Variants in PRKAG2 observed in about 807,000 individuals in gnomAD.
PRKAG2 encodes 5'-AMP-activated protein kinase subunit gamma-2.
In PRKAG2, 26 loss-of-function variants were observed where a neutral mutation model predicts 69.6. The observed-to-expected ratio is 0.37, with a 90% confidence interval of 0.27 to 0.52. The LOEUF (loss-of-function observed/expected upper bound fraction) is 0.52. Ranked by LOEUF, PRKAG2 falls within the 20% of genes least tolerant of loss-of-function variation. PRKAG2 has a pLI of 0.90. For synonymous variants in PRKAG2, 293 were observed against 285.0 expected, an observed-to-expected ratio of 1.03 and a Z score of -0.28; for missense variants, 557 against 740.0, an observed-to-expected ratio of 0.75 and a Z score of 2.87.
Position 151,560,580 on chromosome 7 carries a change from A to G in PRKAG2, c.1622T>C (p.Ile541Thr). Reference protein sequence around the residue: ...RLVVVNEADSIVGIISLSDIL... With the variant: ...RLVVVNEADSTVGIISLSDIL... ...GTCCGACAGGGAAATAATACCCACA[A>G]TACTATCTGCTTCATTTACCACCAC... Residue 541 changes from isoleucine (I) to threonine (T), a missense_variant, in exon 15 of 16, where the codon ATT (isoleucine) becomes ACT (threonine). By Grantham distance (89) the Ile-to-Thr change is moderately conservative. Around this residue, in one of 2 missense-constraint regions of PRKAG2, gnomAD observed 205 missense variants for 383.4 expected, o/e 0.53. Transcript: ENST00000287878. 1 of 1,613,956 alleles carries G rather than the reference A, an allele frequency of 6.2e-7. No individual in the cohort carries two copies. The highest frequency in any genetic ancestry group is 8.5e-7 in the Non-Finnish European group (1 of 1,179,792).
At chr7:151,812,629 G>A (rs2078478363) in intron 1 of PRKAG2, among the ~76,000 whole-genome samples, 1 of 152,152 alleles carries the variant, frequency 6.6e-6, no homozygotes, top group South Asian at 2.1e-4. Context: ...ATTTCACCCT[G>A]GGACAGGACC....
rs34809720 is a variant in PRKAG2 at position 151,597,820 on chromosome 7, GC to G, written c.755-2367del. On this transcript the variant is annotated intron_variant, in intron 5 of 15. Coordinates refer to ENST00000287878, the MANE Select transcript of PRKAG2 (RefSeq NM_016203.4). ...TTGCTGAGGATGTGGACAAAAGGGA[GC>G]CCCCCCCCCCGCTCTTTTATTGAAC... is the stretch of plus-strand genomic sequence containing the variant. Among the ~76,000 whole-genome samples the G allele has an allele frequency of 1.5e-3, 184 of 124,790 alleles. 2 individuals are homozygous for G. The highest frequency in any genetic ancestry group is 1.9e-3 in the African/African-American group (63 of 32,596). The allele number at this position is 124,790 out of a possible 152,430, so 81.9% of individuals were successfully genotyped here. A position where few individuals can be genotyped will look rare whatever the true frequency, so the allele number is the denominator to read the frequency against.
At chr7:151,611,880 A>G (rs1204088867) in intron 5 of PRKAG2, among the ~76,000 whole-genome samples, 1 of 152,146 alleles carries the variant, frequency 6.6e-6, no homozygotes, top group East Asian at 1.9e-4. Flanking sequence ...ATGAAACCTC[A>G]GCTAAGATAC....
At chr7:151,748,170 C>G (rs2074417375) in intron 3 of PRKAG2, among the ~76,000 whole-genome samples, 1 of 152,106 alleles carries the variant, frequency 6.6e-6, no homozygotes, top group Admixed American at 6.5e-5. Flanking sequence ...ATCCGCCCAC[C>G]TCGGCCTCCC....
At chr7:151,848,512 C>CT (rs1158559692) in intron 1 of PRKAG2, among the ~76,000 whole-genome samples, 3,137 of 62,102 alleles carry the variant, frequency 0.051, 973 homozygotes, top group African/African-American at 0.11. Context: ...TACTGCATGT[C>CT]TTTTTTTTTT....
chr7:151,584,328 A>C (rs1486429151), intron 6 of PRKAG2, among the ~76,000 whole-genome samples: 1 of 152,112 alleles, frequency 6.6e-6, no homozygotes, highest in Non-Finnish European at 1.5e-5. Flanking sequence ...CCCACCAAGC[A>C]AGAAGCCCAC....
chr7:151,831,761 C>T (rs1040846826), intron 1 of PRKAG2, among the ~76,000 whole-genome samples: 11 of 152,266 alleles, frequency 7.2e-5, no homozygotes, highest in Middle Eastern at 3.4e-3. Flanking sequence ...TCTGTGTGCC[C>T]GACAGGTGCT....
chr7:151,831,430 T>C (rs1446306102), intron 1 of PRKAG2, among the ~76,000 whole-genome samples: 1 of 152,134 alleles, frequency 6.6e-6, no homozygotes, highest in African/African-American at 2.4e-5. Flanking sequence ...TGGTACAACA[T>C]GGACGAACCT....
chr7:151,840,791 C>T (rs2079258377), intron 1 of PRKAG2, among the ~76,000 whole-genome samples: 1 of 152,234 alleles, frequency 6.6e-6, no homozygotes, highest in African/African-American at 2.4e-5. Flanking sequence ...GAGGAGCTGC[C>T]CACCCGAGTC....
At chr7:151,823,506 C>T (rs2078840938) in intron 1 of PRKAG2, among the ~76,000 whole-genome samples, 1 of 150,900 alleles carries the variant, frequency 6.6e-6, no homozygotes, top group Admixed American at 6.7e-5. Flanking sequence ...AGACCCCTCT[C>T]CTAAGTCAGT....
Position 151,699,257 on chromosome 7 carries a change from T to C in PRKAG2, c.467-23620A>G, listed in dbSNP as rs1837254298. On this transcript the variant is annotated intron_variant, in intron 3 of 15. Transcript: ENST00000287878. The surrounding 1 kb of genome is among the most constrained non-coding windows in gnomAD (Gnocchi z 4.5). Reference sequence around the variant, plus strand: ...TGAGAAACCGAATGAACAATATTTCTGAAGATCTCCCACGAAGGTTGCCTC... The same window carrying C: ...TGAGAAACCGAATGAACAATATTTCCGAAGATCTCCCACGAAGGTTGCCTC... Among the ~76,000 whole-genome samples the C allele has an allele frequency of 6.6e-6, 1 of 152,254 alleles. No homozygotes were observed. The highest frequency in any genetic ancestry group is 1.5e-5 in the Non-Finnish European group (1 of 68,048).
At chr7:151,784,923 C>G (rs896261529) in intron 2 of PRKAG2, among the ~76,000 whole-genome samples, 1 of 152,234 alleles carries the variant, frequency 6.6e-6, no homozygotes, top group Non-Finnish European at 1.5e-5. Context: ...ATCACACTCC[C>G]AGACGGTGGG....
intron 9 of PRKAG2, among the ~76,000 whole-genome samples, chr7:151,571,627 T>C (rs1461919328): frequency 1.3e-5 from 2 of 152,246 alleles, no homozygotes; most frequent in African/African-American, 4.8e-5. Flanking sequence ...TATCAGTACT[T>C]GTACAGTAGA....
At chr7:151,864,753 T>C (rs1245309518) in intron 1 of PRKAG2, among the ~76,000 whole-genome samples, 3 of 152,088 alleles carry the variant, frequency 2.0e-5, no homozygotes, top group Non-Finnish European at 4.4e-5. Context: ...GGTGACACTC[T>C]TAAAAGTCCA....
At position 151,725,206 on chromosome 7, in the gene PRKAG2, AAAG is replaced by A. The variant is rs1797737935; in HGVS notation, c.467-49572_467-49570del. Among the ~76,000 whole-genome samples, 2 of 152,102 alleles carry A rather than the reference AAAG, an allele frequency of 1.3e-5. 1 individual carries two copies. Among genetic ancestry groups the A allele is most frequent in the South Asian group, 4.2e-4 (2 of 4,766 alleles). The stretch of plus-strand genomic sequence containing the variant: ...CAGCAGAATATTACTCAGCCTTAAA[AAAG>A]AGGGGGATCCTGCCACCCGCCACCC... On this transcript the variant is annotated intron_variant, in intron 3 of 15. Transcript: ENST00000287878.
In PRKAG2 at chr7:151,751,620, C is replaced by T. The variant is rs147238792; in HGVS notation, c.466+29532G>A. 3.2e-3 allele frequency among the ~76,000 whole-genome samples: 490 copies of T among 152,242 alleles called. 1 individual carries two copies. Among genetic ancestry groups the T allele is most frequent in the African/African-American group, 0.011 (457 of 41,538 alleles). On this transcript the variant is annotated intron_variant, in intron 3 of 15. Coordinates refer to ENST00000287878, the MANE Select transcript of PRKAG2 (RefSeq NM_016203.4). ...TCCTGGGCTCAAGTGATCATCCTGC[C>T]TCAGACTCCCAAGTACCTGGGACGA...
At chr7:151,693,039 G>C (rs1171464508) in intron 3 of PRKAG2, among the ~76,000 whole-genome samples, 1 of 152,204 alleles carries the variant, frequency 6.6e-6, no homozygotes, top group Non-Finnish European at 1.5e-5. Flanking sequence ...AGAGCTGAAA[G>C]GTTAGGCTGG....
chr7:151,697,815 C>A (rs546334976), intron 3 of PRKAG2, among the ~76,000 whole-genome samples: 18 of 152,282 alleles, frequency 1.2e-4, no homozygotes, highest in African/African-American at 3.9e-4. Flanking sequence ...TGCCTTCCAA[C>A]CTCATCCACC....
intron 2 of PRKAG2, among the ~76,000 whole-genome samples, chr7:151,783,218 C>T (rs1323119898): frequency 6.6e-6 from 1 of 152,254 alleles, no homozygotes; most frequent in South Asian, 2.1e-4. Flanking sequence ...GGCGCCGCCA[C>T]GTGGAGGTGT....
Sources: allele counts gnomAD v4.1 joint callset (sites outside exome capture counted in the v4.1 genomes callset), GRCh38; gene constraint gnomAD v4.1.1; regional missense constraint gnomAD v4.1.1; non-coding constraint Gnocchi (gnomAD v3.1); transcripts MANE v1.5; gene names NCBI Gene and HGNC (gene_info 2026-07-23, HGNC 2026-07-21).